Variants in SCMH1 observed in about 807,000 individuals in gnomAD.
SCMH1 encodes the protein polycomb protein SCMH1.
Under a neutral mutation model 70.8 loss-of-function variants are expected in SCMH1, and 37 were observed. The observed-to-expected ratio is 0.52, with a 90% CI of 0.40 to 0.69. The LOEUF (loss-of-function observed/expected upper bound fraction) is 0.69, where lower values mean the gene tolerates loss of function less well. Among genes scored for constraint, SCMH1 ranks in the 30% least tolerant of loss-of-function variants. SCMH1 has a pLI of 0.00. For missense variants in SCMH1, 607 were observed against 827.3 expected (o/e 0.73, Z 3.27); for synonymous variants, 292 against 307.4 (o/e 0.95, Z 0.52).
intron 6 of SCMH1, among the ~76,000 whole-genome samples, chr1:41,138,934 A>T (rs1643777444): frequency 6.6e-6 from 1 of 152,216 alleles, no homozygotes; most frequent in Non-Finnish European, 1.5e-5. Context: ...GCAAAAAAAC[A>T]AAAGGTTCTA....
chr1:41,143,867 TTC>T (rs1015253178), intron 5 of SCMH1, among the ~76,000 whole-genome samples: 7 of 152,228 alleles, frequency 4.6e-5, no homozygotes, highest in African/African-American at 1.7e-4. Flanking sequence ...TTTGTCTAGC[TTC>T]TTTCACTCAG....
chr1:41,188,789 A>AAC (rs10657593), intron 1 of SCMH1, among the ~76,000 whole-genome samples: 152,102 of 152,302 alleles, frequency 1, 75,953 homozygotes, highest in Middle Eastern at 1. Context: ...GTATAGTAAT[A>AAC]AGTCAAATTA....
At chr1:41,119,119 A>G (rs1671258860) in intron 6 of SCMH1, among the ~76,000 whole-genome samples, 1 of 152,230 alleles carries the variant, frequency 6.6e-6, no homozygotes, top group Non-Finnish European at 1.5e-5. Context: ...CTGACTCCTG[A>G]GCCCACACTT....
chr1:41,128,826 T>C (rs1673891890), intron 6 of SCMH1, among the ~76,000 whole-genome samples: 1 of 152,150 alleles, frequency 6.6e-6, no homozygotes, highest in African/African-American at 2.4e-5. Flanking sequence ...TCACTGATGC[T>C]TTCTTTTTCA....
At chr1:41,205,965 G>A (rs1457783173) in intron 1 of SCMH1, among the ~76,000 whole-genome samples, 3 of 152,174 alleles carry the variant, frequency 2.0e-5, no homozygotes, top group Non-Finnish European at 2.9e-5. Flanking sequence ...CTGTTAGAAG[G>A]AAAACTAACA....
chr1:41,038,736 C>T (rs543869487), intron 12 of SCMH1, among the ~76,000 whole-genome samples: 1 of 152,272 alleles, frequency 6.6e-6, no homozygotes, highest in Admixed American at 6.5e-5. Context: ...ATACCTAAGC[C>T]ATATCCCACC....
At chr1:41,050,721 G>T (rs945762675) in intron 10 of SCMH1, among the ~76,000 whole-genome samples, 7 of 152,174 alleles carry the variant, frequency 4.6e-5, no homozygotes, top group African/African-American at 1.7e-4. Context: ...GACTGGAAAC[G>T]TAGCGACTGA....
intron 1 of SCMH1, among the ~76,000 whole-genome samples, chr1:41,214,682 A>C (rs1433864745): frequency 6.6e-6 from 1 of 152,128 alleles, no homozygotes; most frequent in African/African-American, 2.4e-5. Flanking sequence ...TTCTCAGCTA[A>C]ATAGCTCATT....
intron 8 of SCMH1, among the ~76,000 whole-genome samples, chr1:41,078,080 C>T (rs1241493497): frequency 2.0e-5 from 3 of 151,908 alleles, no homozygotes; most frequent in African/African-American, 4.8e-5. Flanking sequence ...ACTAAATGGA[C>T]ATCTTATAAC....
intron 2 of SCMH1, among the ~76,000 whole-genome samples, chr1:41,171,913 T>A (rs1291498846): frequency 3.3e-5 from 5 of 152,146 alleles, no homozygotes; most frequent in Non-Finnish European, 5.9e-5. Context: ...GAAAGATGGC[T>A]GGGCGCGGTG....
At chr1:41,212,997 ATGATC>A (rs1432043504) in intron 1 of SCMH1, among the ~76,000 whole-genome samples, 1 of 152,224 alleles carries the variant, frequency 6.6e-6, no homozygotes, top group Non-Finnish European at 1.5e-5. Context: ...AATGCAATGG[ATGATC>A]TGTATGCCAG....
At chr1:41,077,075 A>T (rs1171751787) in intron 8 of SCMH1, among the ~76,000 whole-genome samples, 3 of 152,204 alleles carry the variant, frequency 2.0e-5, no homozygotes, top group Non-Finnish European at 4.4e-5. Flanking sequence ...TAGTTGTGGT[A>T]GTACAATGTT....
At chr1:41,152,684 T>A (rs1214783650) in intron 4 of SCMH1, 3 of 1,614,140 alleles carry the variant, frequency 1.9e-6, no homozygotes, top group Non-Finnish European at 2.5e-6. Flanking sequence ...TTTCTTGAAG[T>A]TTCCTCTGTA....
chr1:41,033,094 C>A (rs772653285), intron 13 of SCMH1, among the ~76,000 whole-genome samples: 2 of 151,976 alleles, frequency 1.3e-5, no homozygotes, highest in Non-Finnish European at 2.9e-5. Context: ...GAATTTGAGA[C>A]CAGCCTGGGC....
intron 6 of SCMH1, among the ~76,000 whole-genome samples, chr1:41,130,929 G>A (rs1674524826): frequency 1.3e-5 from 2 of 151,996 alleles, no homozygotes; most frequent in South Asian, 4.1e-4. Flanking sequence ...TGAAGTTCAA[G>A]TTATCTATTT....
rs1313331827 is a variant in SCMH1 at position 41,173,482 on chromosome 1, G to C, written c.14-12050C>G. Among the ~76,000 whole-genome samples, 4 of 152,084 alleles carry C rather than the reference G, an allele frequency of 2.6e-5. No individual in the cohort carries two copies. The South Asian group carries it at 8.3e-4, about 32-fold the overall frequency. ...CAAAAATAAATGCTGACAAAAATGT[G>C]GAGAAAGGAGAACTCTTATTCACTG... On this transcript the variant is annotated intron_variant, in intron 2 of 14. Coordinates refer to ENST00000337495, the Ensembl canonical transcript of SCMH1.
At chr1:41,154,255 T>C (rs1319234459) in intron 4 of SCMH1, among the ~76,000 whole-genome samples, 1 of 152,222 alleles carries the variant, frequency 6.6e-6, no homozygotes, top group Non-Finnish European at 1.5e-5. Context: ...CCTGAGAATA[T>C]GTATTTTCCA....
At chr1:41,143,209 C>A in intron 5 of SCMH1, 97 bp from the exon 6 acceptor site, 1 of 791,036 alleles carries the variant, frequency 1.3e-6, no homozygotes, top group Non-Finnish European at 2.1e-6. Flanking sequence ...CCAGGGACAA[C>A]CAACTGAATT....
intron 13 of SCMH1, among the ~76,000 whole-genome samples, chr1:41,032,347 T>C (rs2148515575): frequency 6.6e-6 from 1 of 152,280 alleles, no homozygotes; most frequent in East Asian, 1.9e-4. Flanking sequence ...GAGAGATGTC[T>C]CCGAAATGAT....
Sources: gnomAD v4.1 joint callset for allele counts (sites outside exome capture counted in the v4.1 genomes callset) on GRCh38, gnomAD v4.1.1 for gene constraint, MANE v1.5 for transcripts, NCBI Gene and HGNC (gene_info 2026-07-23, HGNC 2026-07-21) for gene names.